DLGAP2: variants seen among roughly 807,000 people sequenced by gnomAD.
The protein encoded by DLGAP2 is disks large-associated protein 2.
Under a neutral mutation model 100.3 loss-of-function variants are expected in DLGAP2, and 26 were observed. The ratio of observed to expected loss-of-function variants is 0.26; its 90% CI spans 0.19 to 0.36. The LOEUF (loss-of-function observed/expected upper bound fraction) is 0.36. Ranked by LOEUF, DLGAP2 falls within the 10% of genes least tolerant of loss-of-function variation. The pLI, the probability that DLGAP2 is intolerant of heterozygous loss-of-function variation, is 1.00. For synonymous variants in DLGAP2, 886 were observed against 630.1 expected (o/e 1.41, Z -6.08); for missense variants, 1,858 against 1,453.2 (o/e 1.28, Z -4.53).
chr8:1,318,886 A>C (rs1800830406), intron 3 of DLGAP2, among the ~76,000 whole-genome samples: 1 of 147,032 alleles, frequency 6.8e-6, no homozygotes, highest in Non-Finnish European at 1.5e-5. Flanking sequence ...TTCACCACTT[A>C]GAAGGGTCCA....
intron 6 of DLGAP2, among the ~76,000 whole-genome samples, chr8:1,576,661 G>T (rs1802992542): frequency 6.6e-6 from 1 of 152,136 alleles, no homozygotes; most frequent in Non-Finnish European, 1.5e-5. Context: ...TGTAAGGAAG[G>T]GATCCAGTTT....
chr8:1,535,932 A>G (rs751986926), intron 4 of DLGAP2, among the ~76,000 whole-genome samples: 2 of 152,190 alleles, frequency 1.3e-5, no homozygotes, highest in Non-Finnish European at 2.9e-5. Flanking sequence ...CACCACAAGC[A>G]CTGCTCTGAC....
intron 2 of DLGAP2, among the ~76,000 whole-genome samples, chr8:1,159,555 C>T (rs1360659004): frequency 1.4e-5 from 2 of 142,998 alleles, no homozygotes; most frequent in African/African-American, 5.3e-5. Context: ...GTGTTCTAAA[C>T]AACTCACGAA....
intron 1 of DLGAP2, among the ~76,000 whole-genome samples, chr8:864,949 A>G (rs1381438339): frequency 1.3e-5 from 2 of 152,242 alleles, no homozygotes; most frequent in Non-Finnish European, 2.9e-5. Context: ...ATTCTTAGAT[A>G]TAGGAAAACT....
chr8:1,267,757 C>G (rs1001040942), intron 3 of DLGAP2, among the ~76,000 whole-genome samples: 1 of 152,022 alleles, frequency 6.6e-6, no homozygotes, highest in African/African-American at 2.4e-5. Context: ...CATCCCTTCC[C>G]TTTTTCTCCT....
chr8:905,327 C>A (rs1798355642), intron 1 of DLGAP2, among the ~76,000 whole-genome samples: 1 of 152,030 alleles, frequency 6.6e-6, no homozygotes, highest in African/African-American at 2.4e-5. Context: ...TGGAAGGACC[C>A]CAGGGGTCAG....
At chr8:1,167,967 G>C (rs1267409279) in intron 2 of DLGAP2, among the ~76,000 whole-genome samples, 1 of 151,574 alleles carries the variant, frequency 6.6e-6, no homozygotes, top group Non-Finnish European at 1.5e-5. Context: ...TGCCATGCTG[G>C]TGTGCTGCAC....
rs149455698 is a variant in DLGAP2 at position 1,255,653 on chromosome 8, G to A, written c.74-3198G>A. Among the ~76,000 whole-genome samples, 39 of 143,748 alleles carry A rather than the reference G, an allele frequency of 2.7e-4. 1 individual carries two copies. The highest frequency in any genetic ancestry group is 8.2e-4 in the African/African-American group (31 of 37,972). The allele number at this position is 143,748 out of a possible 152,430, so 94.3% of individuals were successfully genotyped here. On this transcript the variant is annotated intron_variant, in intron 2 of 14. Coordinates refer to ENST00000637795, the MANE Select transcript of DLGAP2 (RefSeq NM_001346810.2). ...GTGTGTGTCCTCATCCTGCCCGGGC[G>A]CTGTGTGTGTGTCGTCTCCTGCCTG...
intron 3 of DLGAP2, among the ~76,000 whole-genome samples, chr8:1,455,207 A>G (rs1178807220): frequency 6.6e-6 from 1 of 152,244 alleles, no homozygotes; most frequent in Non-Finnish European, 1.5e-5. Context: ...TGAGTGCTCA[A>G]GGTCACAGCG....
chr8:1,666,595 G>T (rs758699641), intron 8 of DLGAP2, among the ~76,000 whole-genome samples: 1 of 151,616 alleles, frequency 6.6e-6, no homozygotes, highest in African/African-American at 2.4e-5. Flanking sequence ...CAGGAGAATC[G>T]CTTGAACACA....
intron 2 of DLGAP2, among the ~76,000 whole-genome samples, chr8:1,158,807 AGTT>A (rs1356688340): frequency 2.6e-5 from 4 of 152,144 alleles, no homozygotes; most frequent in Admixed American, 1.3e-4. Flanking sequence ...ACAACTGCAC[AGTT>A]TTTTTTCTTG....
chr8:1,330,250 G>A lies in DLGAP2; in HGVS notation c.106+71367G>A, dbSNP rs576443502. Reference sequence around the variant, plus strand: ...GGACTGAGTTCTGGGTGGGAGCACCGCTTCGCAGGGACTGAGTTCTGGGTG... The same window carrying A: ...GGACTGAGTTCTGGGTGGGAGCACCACTTCGCAGGGACTGAGTTCTGGGTG... On this transcript the variant is annotated intron_variant, in intron 3 of 14. Coordinates refer to ENST00000637795, the MANE Select transcript of DLGAP2 (RefSeq NM_001346810.2). 9.3e-5 allele frequency among the ~76,000 whole-genome samples: 14 copies of A among 150,948 alleles called. No individual in the cohort carries two copies. The East Asian group carries it at 2.6e-3, about 28-fold the overall frequency.
At chr8:1,070,546 C>A (rs1425111773) in intron 2 of DLGAP2, among the ~76,000 whole-genome samples, 1 of 152,106 alleles carries the variant, frequency 6.6e-6, no homozygotes, top group African/African-American at 2.4e-5. Context: ...AGGTGAGGGG[C>A]GATTTCGGCA....
intron 1 of DLGAP2, among the ~76,000 whole-genome samples, chr8:877,372 A>G (rs571315138): frequency 6.6e-6 from 1 of 152,034 alleles, no homozygotes; most frequent in African/African-American, 2.4e-5. Flanking sequence ...CCTGTCCCCC[A>G]TGGTGTTTAG....
chr8:1,312,088 A>G (rs898069564), intron 3 of DLGAP2, among the ~76,000 whole-genome samples: 4 of 152,238 alleles, frequency 2.6e-5, no homozygotes, highest in Admixed American at 2.6e-4. Context: ...TTCATCCAAC[A>G]GCAGCAGAAC....
At chr8:954,658 T>A (rs974638127) in intron 2 of DLGAP2, among the ~76,000 whole-genome samples, 1 of 152,122 alleles carries the variant, frequency 6.6e-6, no homozygotes, top group Admixed American at 6.5e-5. Context: ...TTTAAAAACC[T>A]GGAAAATAAG....
intron 3 of DLGAP2, among the ~76,000 whole-genome samples, chr8:1,436,348 G>C (rs1283013310): frequency 2.0e-5 from 3 of 152,196 alleles, no homozygotes; most frequent in Non-Finnish European, 2.9e-5. Context: ...TCCAGCATGG[G>C]AGAAACATGG....
At chr8:1,539,132 T>G (rs1054503983) in intron 4 of DLGAP2, among the ~76,000 whole-genome samples, 1 of 152,122 alleles carries the variant, frequency 6.6e-6, no homozygotes, top group Non-Finnish European at 1.5e-5. Flanking sequence ...GTGATCCACC[T>G]GCCTCAGCCT....
intron 6 of DLGAP2, 101 bp downstream of exon 6, chr8:1,565,995 A>C (rs1313863990): frequency 4.9e-6 from 5 of 1,017,602 alleles, no homozygotes; most frequent in Non-Finnish European, 6.8e-6. Flanking sequence ...CATCCATTTA[A>C]ACTAAATTGC....
Sources: gnomAD v4.1 joint callset for allele counts (sites outside exome capture counted in the v4.1 genomes callset) on GRCh38, gnomAD v4.1.1 for gene constraint, MANE v1.5 for transcripts, NCBI Gene and HGNC (gene_info 2026-07-23, HGNC 2026-07-21) for gene names.